LIPH: variants seen among roughly 807,000 people sequenced by gnomAD.
The protein encoded by LIPH is lipase H.
LIPH carries 32 observed loss-of-function variants against 47.6 expected under a neutral mutation model. The ratio of observed to expected loss-of-function variants is 0.67; its 90% CI spans 0.51 to 0.90. LIPH has a LOEUF of 0.90. Ranked by LOEUF, LIPH falls within the 40% of genes least tolerant of loss-of-function variation. The probability of loss-of-function intolerance (pLI) is 0.00; values close to 1 mark genes in which losing one functional copy is unlikely to be tolerated. For synonymous variants in LIPH, 190 were observed against 195.6 expected (o/e 0.97, Z 0.24); for missense variants, 497 against 541.4 (o/e 0.92, Z 0.81).
At chr3:185,513,093 A>T (rs191974275) in intron 8 of LIPH, among the ~76,000 whole-genome samples, 2 of 152,284 alleles carry the variant, frequency 1.3e-5, no homozygotes, top group Admixed American at 1.3e-4. Context: ...CTATAATCCC[A>T]GCACTTTGGG....
intron 2 of LIPH, 58 bp downstream of exon 2, chr3:185,534,707 C>G (rs745655660): frequency 1.9e-4 from 305 of 1,585,438 alleles, no homozygotes; most frequent in Non-Finnish European, 2.5e-4. Context: ...GGCTTTAAGC[C>G]CTCAGATAAT....
rs967261447 is a variant in LIPH at position 185,515,836 on chromosome 3, G to C, written c.982+1231C>G. Among the ~76,000 whole-genome samples the C allele has an allele frequency of 1.2e-4, 19 of 152,202 alleles. 1 individual carries two copies. Among genetic ancestry groups the C allele is most frequent in the South Asian group, 4.1e-4 (2 of 4,826 alleles). On this transcript the variant is annotated intron_variant, in intron 7 of 9. Coordinates refer to ENST00000296252, the MANE Select transcript of LIPH (RefSeq NM_139248.3). ...GTGAGCCACCATGCTTAGCCTCCAG[G>C]CTCTTTTAAAAGAGTTGCTCACACC...
chr3:185,535,641 C>T (rs754328409), intron 1 of LIPH, among the ~76,000 whole-genome samples: 6 of 151,886 alleles, frequency 4.0e-5, no homozygotes, highest in Non-Finnish European at 5.9e-5. Flanking sequence ...CTCACTCTGT[C>T]GCCCAGGCCG....
intron 7 of LIPH, among the ~76,000 whole-genome samples, chr3:185,515,091 A>G (rs1277485341): frequency 6.6e-6 from 1 of 152,168 alleles, no homozygotes; most frequent in East Asian, 1.9e-4. Flanking sequence ...CCTGACCCCC[A>G]GACTAAGTCA....
chr3:185,528,832 C>A (rs1013734766), intron 3 of LIPH, among the ~76,000 whole-genome samples: 1 of 152,062 alleles, frequency 6.6e-6, no homozygotes, highest in Non-Finnish European at 1.5e-5. Flanking sequence ...AGGAGAGAAG[C>A]TCCTATGATG....
At chr3:185,529,413 TTTTTC>T (rs1720237567) in intron 3 of LIPH, among the ~76,000 whole-genome samples, 1 of 126,006 alleles carries the variant, frequency 7.9e-6, no homozygotes, top group South Asian at 2.4e-4. Flanking sequence ...AGCCTTTTTC[TTTTTC>T]TTTTTTTTTT....
At chr3:185,522,939 G>A (rs536072037) in intron 5 of LIPH, among the ~76,000 whole-genome samples, 4 of 152,210 alleles carry the variant, frequency 2.6e-5, no homozygotes, top group Non-Finnish European at 4.4e-5. Flanking sequence ...TACAAATACA[G>A]ATTCAAAAAA....
At position 185,506,854 on chromosome 3, in the gene LIPH, A is replaced by C. The variant is rs1490810908; in HGVS notation, c.*1936T>G. The C allele has an allele frequency of 3.3e-5, 5 of 150,822 alleles. No homozygotes were observed. Among genetic ancestry groups the C allele is most frequent in the African/African-American group, 9.8e-5 (4 of 40,978 alleles). The allele number at this position is 150,822 out of a possible 1,614,324, so 9.3% of individuals were successfully genotyped here. ...CTAAAAAAAAAAAAAAAAAAAAAAAAAAAAAACCAGGGCCTACAGCACACT... is the reference window on the plus strand; with the variant it reads ...CTAAAAAAAAAAAAAAAAAAAAAAACAAAAAACCAGGGCCTACAGCACACT... On this transcript the variant is annotated 3_prime_UTR_variant, in exon 10 of 10. Coordinates refer to ENST00000296252, the MANE Select transcript of LIPH (RefSeq NM_139248.3).
chr3:185,520,994 C>T (rs889018659), intron 5 of LIPH, among the ~76,000 whole-genome samples: 3 of 151,824 alleles, frequency 2.0e-5, no homozygotes, highest in Non-Finnish European at 4.4e-5. Context: ...CTCAGCCTCC[C>T]GAGTAGGTGA....
At chr3:185,525,020 G>A (rs1720024997) in intron 4 of LIPH, among the ~76,000 whole-genome samples, 1 of 151,980 alleles carries the variant, frequency 6.6e-6, no homozygotes, top group Non-Finnish European at 1.5e-5. Context: ...ATCGAGGCCA[G>A]CCTGGGCAAA....
chr3:185,538,930 TATATAC>T (rs1720611575), intron 1 of LIPH, among the ~76,000 whole-genome samples: 2 of 145,206 alleles, frequency 1.4e-5, no homozygotes, highest in Non-Finnish European at 1.5e-5. Flanking sequence ...CATATACACA[TATATAC>T]ATATATATAC....
Position 185,514,290 on chromosome 3 carries a change from A to AT in LIPH, c.1094+119dup. The AT allele has an allele frequency of 4.3e-6, 3 of 695,980 alleles. No individual in the cohort carries two copies. The Admixed American group carries it at 6.1e-5, about 14-fold the overall frequency. The allele number at this position is 695,980 out of a possible 1,614,324, so 43.1% of individuals were successfully genotyped here. ...GCAACTAAGCAATAGTTCCCCTTATATCTTTTATAGAACAAGGAAAAGCAT... is the reference window on the plus strand; with the variant it reads ...GCAACTAAGCAATAGTTCCCCTTATATTCTTTTATAGAACAAGGAAAAGCAT... On this transcript the variant is annotated intron_variant, in intron 8 of 9. Transcript: ENST00000296252.
At chr3:185,528,736 C>G (rs1369169624) in intron 3 of LIPH, among the ~76,000 whole-genome samples, 1 of 152,126 alleles carries the variant, frequency 6.6e-6, no homozygotes, top group Non-Finnish European at 1.5e-5. Flanking sequence ...AATTAACCCG[C>G]TCTATAAATG....
intron 8 of LIPH, 78 bp downstream of exon 8, chr3:185,514,332 A>C: frequency 1.3e-6 from 1 of 776,826 alleles, no homozygotes; most frequent in Non-Finnish European, 2.4e-6. Flanking sequence ...ATAAATAAGA[A>C]AGTAGGTGGA....
chr3:185,538,553 G>GATA (rs1720573184), intron 1 of LIPH, among the ~76,000 whole-genome samples: 1 of 147,520 alleles, frequency 6.8e-6, no homozygotes, highest in Non-Finnish European at 1.5e-5. Flanking sequence ...ATCAAAGTAC[G>GATA]ATAATAATAC....
intron 3 of LIPH, 86 bp downstream of exon 3, chr3:185,533,485 C>A: frequency 1.1e-6 from 1 of 876,528 alleles, no homozygotes; most frequent in Non-Finnish European, 2.0e-6. Flanking sequence ...GGCTTTGAAC[C>A]CAAGGAGTTG....
chr3:185,519,787 A>G (rs2148950538), intron 5 of LIPH, among the ~76,000 whole-genome samples: 1 of 131,360 alleles, frequency 7.6e-6, no homozygotes, highest in East Asian at 2.6e-4. Flanking sequence ...CAGTGAGCCG[A>G]GATTGTGCCA....
At chr3:185,549,117 G>A (rs1183533391) in intron 1 of LIPH, among the ~76,000 whole-genome samples, 1 of 149,236 alleles carries the variant, frequency 6.7e-6, no homozygotes, top group African/African-American at 2.5e-5. Context: ...GCAACAGAGC[G>A]AGACTCCATC....
At chr3:185,548,384 A>AAAG (rs1318967922) in intron 1 of LIPH, among the ~76,000 whole-genome samples, 2 of 147,472 alleles carry the variant, frequency 1.4e-5, no homozygotes, top group Non-Finnish European at 3.0e-5. Context: ...CAGCCTGGTG[A>AAAG]CAGAGCGAGA....
Sources: allele counts gnomAD v4.1 joint callset (sites outside exome capture counted in the v4.1 genomes callset), GRCh38; gene constraint gnomAD v4.1.1; transcripts MANE v1.5; gene names NCBI Gene and HGNC (gene_info 2026-07-23, HGNC 2026-07-21).